Variants in RUNX2 observed in about 807,000 individuals in gnomAD.
RUNX2 encodes the protein RUNX family transcription factor 2.
RUNX2 carries 10 observed loss-of-function variants against 51.7 expected under a neutral mutation model. That is an observed-to-expected ratio of 0.19 (90% confidence interval 0.12 to 0.33). The LOEUF is 0.33. Among genes scored for constraint, RUNX2 ranks in the 10% least tolerant of loss-of-function variants. RUNX2 has a pLI of 1.00. For synonymous variants in RUNX2, 276 were observed against 273.6 expected, an observed-to-expected ratio of 1.01 and a Z score of -0.09; for missense variants, 562 against 691.3, an observed-to-expected ratio of 0.81 and a Z score of 2.10.
chr6:45,496,565 C>G (rs1279357460), intron 6 of RUNX2, among the ~76,000 whole-genome samples: 1 of 152,116 alleles, frequency 6.6e-6, no homozygotes, highest in Non-Finnish European at 1.5e-5. Flanking sequence ...AGAAAAGGTC[C>G]TTTGAAAAGC....
chr6:45,499,294 C>G (rs1236705092), intron 6 of RUNX2, among the ~76,000 whole-genome samples: 1 of 150,324 alleles, frequency 6.7e-6, no homozygotes, highest in East Asian at 1.9e-4. Flanking sequence ...TTGCTGCTGC[C>G]TTGCACATGT....
chr6:45,369,899 C>T (rs1304531248), intron 2 of RUNX2, among the ~76,000 whole-genome samples: 2 of 152,034 alleles, frequency 1.3e-5, no homozygotes, highest in Non-Finnish European at 2.9e-5. Context: ...GGAGAACTTC[C>T]CAACAGAAAG....
chr6:45,362,875 G>A (rs1297658741), intron 2 of RUNX2, among the ~76,000 whole-genome samples: 1 of 151,978 alleles, frequency 6.6e-6, no homozygotes, highest in Admixed American at 6.6e-5. Flanking sequence ...TCCATCAAAT[G>A]CACTAAATAG....
chr6:45,331,439 T>C (rs1562966158), intron 2 of RUNX2, among the ~76,000 whole-genome samples: 1 of 151,914 alleles, frequency 6.6e-6, no homozygotes, highest in Non-Finnish European at 1.5e-5. Context: ...AGTTTCAAGA[T>C]TCAGTAGTGA....
rs779405542 is a variant in RUNX2, at chr6:45,438,062, C to T, written c.685+11C>T. 5.0e-5 allele frequency: 75 copies of T among 1,497,312 alleles called. No homozygotes were observed. Among genetic ancestry groups the T allele is most frequent in the Admixed American group, 5.0e-5 (3 of 59,802 alleles). 92.8% of individuals were successfully genotyped at this position (1,497,312 alleles called of 1,614,324 possible). ...CTCGGGAACCCAGAAGTAAGTACTC[C>T]CCTTTTTATTGAAGAAAGTAATAGA... On this transcript the variant is annotated intron_variant, in intron 5 of 8. Transcript: ENST00000647337.
rs1219225547 is a variant in RUNX2, at chr6:45,412,636, C to T, written c.59-9957C>T. 9.3e-5 allele frequency among the ~76,000 whole-genome samples: 14 copies of T among 151,156 alleles called. No homozygotes were observed. The East Asian group carries it at 2.7e-3, about 29-fold the overall frequency. ...GCATTGACAAAGGAAAGAATACTGG[C>T]CAAATAACCTTTTTTTAAAAAAACA... On this transcript the variant is annotated intron_variant, in intron 2 of 8. Coordinates refer to ENST00000647337, the MANE Select transcript of RUNX2 (RefSeq NM_001024630.4).
chr6:45,459,165 A>G (rs1799403015), intron 5 of RUNX2, among the ~76,000 whole-genome samples: 1 of 152,238 alleles, frequency 6.6e-6, no homozygotes, highest in African/African-American at 2.4e-5. Flanking sequence ...AAAGAACCCC[A>G]GAGCTTGACA....
intron 7 of RUNX2, among the ~76,000 whole-genome samples, chr6:45,529,354 G>A (rs955438708): frequency 2.2e-4 from 34 of 152,110 alleles, no homozygotes; most frequent in African/African-American, 7.0e-4. Flanking sequence ...AAATGTATTT[G>A]ATGGATTTAT....
At position 45,422,774 on chromosome 6, in the gene RUNX2, G is replaced by GGCGGCGGCT. The variant is rs777501691; in HGVS notation, c.249_257dup (p.Ala87_Ala89dup). On this transcript the variant is annotated inframe_insertion, in exon 3 of 9. Transcript: ENST00000647337. Reference sequence around the variant, plus strand: ...AGGCGGCGGCGGCGGCTGCGGCGGCGGCGGCGGCTGCGGCGGCGGCAGCTG... The same window carrying GGCGGCGGCT: ...AGGCGGCGGCGGCGGCTGCGGCGGCGGCGGCGGCTGCGGCGGCTGCGGCGGCGGCAGCTG... 9.4e-6 allele frequency: 14 copies of GGCGGCGGCT among 1,488,124 alleles called. No individual in the cohort carries two copies. Among genetic ancestry groups the GGCGGCGGCT allele is most frequent in the Middle Eastern group, 1.9e-4 (1 of 5,322 alleles). 92.2% of individuals were successfully genotyped at this position (1,488,124 alleles called of 1,614,324 possible). A position where few individuals can be genotyped will look rare whatever the true frequency, so the allele number is the denominator to read the frequency against.
chr6:45,383,393 C>T (rs1025175636), intron 2 of RUNX2, among the ~76,000 whole-genome samples: 6 of 151,942 alleles, frequency 3.9e-5, no homozygotes, highest in Admixed American at 2.0e-4. Context: ...GCCAAGATAG[C>T]GCCACCGCAC....
chr6:45,339,389 C>T (rs1042374693), intron 2 of RUNX2, among the ~76,000 whole-genome samples: 1 of 152,146 alleles, frequency 6.6e-6, no homozygotes, highest in Non-Finnish European at 1.5e-5. Flanking sequence ...ACTTTTAATA[C>T]TCCTAGAAAT....
intron 6 of RUNX2, among the ~76,000 whole-genome samples, chr6:45,505,907 A>G (rs927237009): frequency 5.3e-5 from 8 of 152,228 alleles, no homozygotes; most frequent in Non-Finnish European, 1.0e-4. Flanking sequence ...TGCTTGTGAC[A>G]GACTTTGCCT....
At chr6:45,357,918 CA>C (rs1290741319) in intron 2 of RUNX2, among the ~76,000 whole-genome samples, 1 of 151,938 alleles carries the variant, frequency 6.6e-6, no homozygotes, top group African/African-American at 2.4e-5. Context: ...AATACATTCA[CA>C]AAAGAACATT....
chr6:45,366,119 T>C (rs923616954), intron 2 of RUNX2, among the ~76,000 whole-genome samples: 10 of 152,166 alleles, frequency 6.6e-5, no homozygotes, highest in Non-Finnish European at 1.3e-4. Flanking sequence ...CAATAAACAT[T>C]AGTTATTATT....
chr6:45,502,616 T>C (rs1157062419), intron 6 of RUNX2, among the ~76,000 whole-genome samples: 1 of 152,142 alleles, frequency 6.6e-6, no homozygotes, highest in Non-Finnish European at 1.5e-5. Context: ...AGCTGATGTG[T>C]GGAGGCAGCT....
At position 45,550,424 on chromosome 6, in the gene RUNX2, G is replaced by A. The variant is rs1802531361; in HGVS notation, c.*3119G>A. On this transcript the variant is annotated 3_prime_UTR_variant, in exon 9 of 9. Coordinates refer to ENST00000647337, the MANE Select transcript of RUNX2 (RefSeq NM_001024630.4). Reference sequence around the variant, plus strand: ...GGACCATCTGTGATAAATTCAGAAGGGAGGAGATGTGTGTACAGCTTTAAG... The same window carrying A: ...GGACCATCTGTGATAAATTCAGAAGAGAGGAGATGTGTGTACAGCTTTAAG... 2 of 152,218 alleles carry A rather than the reference G, an allele frequency of 1.3e-5. No homozygotes were observed. Among genetic ancestry groups the A allele is most frequent in the South Asian group, 4.1e-4 (2 of 4,832 alleles). The allele number at this position is 152,218 out of a possible 1,614,324, so 9.4% of individuals were successfully genotyped here. A position where few individuals can be genotyped will look rare whatever the true frequency, so the allele number is the denominator to read the frequency against.
intron 2 of RUNX2, among the ~76,000 whole-genome samples, chr6:45,419,561 A>G (rs1261922291): frequency 1.3e-5 from 2 of 152,186 alleles, no homozygotes; most frequent in East Asian, 3.9e-4. Flanking sequence ...ACAGCAATGG[A>G]TGCAGTCTCT....
At position 45,512,161 on chromosome 6, in the gene RUNX2, C is replaced by T. The variant is rs866790095; in HGVS notation, c.860-85C>T. On this transcript the variant is annotated intron_variant, in intron 6 of 8. Transcript: ENST00000647337. Reference sequence around the variant, plus strand: ...TTTTTTTTCTCTCCCTGTTTTTCTGCTTTTTCCTTTCTGAGTTTTGGGTTG... The same window carrying T: ...TTTTTTTTCTCTCCCTGTTTTTCTGTTTTTTCCTTTCTGAGTTTTGGGTTG... 8 of 1,382,396 alleles carry T rather than the reference C, an allele frequency of 5.8e-6. No homozygotes were observed. The Middle Eastern group carries it at 6.3e-4, about 109-fold the overall frequency. The allele number at this position is 1,382,396 out of a possible 1,614,324, so 85.6% of individuals were successfully genotyped here. A position where few individuals can be genotyped will look rare whatever the true frequency, so the allele number is the denominator to read the frequency against.
chr6:45,416,604 A>G (rs902830770), intron 2 of RUNX2, among the ~76,000 whole-genome samples: 2 of 152,246 alleles, frequency 1.3e-5, no homozygotes, highest in Admixed American at 1.3e-4. Flanking sequence ...TGCTACTGCC[A>G]TAGGACAATT....
Sources: gnomAD v4.1 joint callset for allele counts (sites outside exome capture counted in the v4.1 genomes callset) on GRCh38, gnomAD v4.1.1 for gene constraint, MANE v1.5 for transcripts, NCBI Gene and HGNC (gene_info 2026-07-23, HGNC 2026-07-21) for gene names.